The following PTPRD variants were observed in gnomAD, a reference collection of about 807,000 sequenced individuals.
PTPRD encodes protein tyrosine phosphatase receptor type D.
In PTPRD, 34 loss-of-function variants were observed where a neutral mutation model predicts 214.5. The observed-to-expected ratio is 0.16, with a 90% CI of 0.12 to 0.21. The LOEUF is 0.21. Ranked by LOEUF, PTPRD falls within the 10% of genes least tolerant of loss-of-function variation. The probability of loss-of-function intolerance (pLI) is 1.00; values close to 1 mark genes in which losing one functional copy is unlikely to be tolerated. For missense variants in PTPRD, 2,545 were observed against 2,398.7 expected (o/e 1.06, Z -1.27); for synonymous variants, 1,128 against 845.7 (o/e 1.33, Z -5.79).
chr9:8,454,695 T>C (rs1032251895), intron 33 of PTPRD: 9 of 1,307,070 alleles, frequency 6.9e-6, no homozygotes, highest in African/African-American at 5.8e-5. Flanking sequence ...AGAAATAGTG[T>C]TCACAAGCAA....
At chr9:10,413,152 A>C (rs1005955178) in intron 2 of PTPRD, among the ~76,000 whole-genome samples, 1 of 151,964 alleles carries the variant, frequency 6.6e-6, no homozygotes, top group Non-Finnish European at 1.5e-5. Flanking sequence ...GAATCCATAT[A>C]GGAAGAGAGG....
intron 10 of PTPRD, among the ~76,000 whole-genome samples, chr9:9,134,277 G>A (rs1228396731): frequency 7.2e-6 from 1 of 138,464 alleles, no homozygotes; most frequent in Non-Finnish European, 1.5e-5. Context: ...GTTTCACCTT[G>A]TTAGCCAGGA....
chr9:10,281,060 T>C (rs1274930938), intron 3 of PTPRD, among the ~76,000 whole-genome samples: 1 of 152,202 alleles, frequency 6.6e-6, no homozygotes, highest in Non-Finnish European at 1.5e-5. Context: ...TATGATACTC[T>C]AATTTTCCCA....
At chr9:8,812,780 T>A (rs1243573321) in intron 11 of PTPRD, among the ~76,000 whole-genome samples, 1 of 151,646 alleles carries the variant, frequency 6.6e-6, no homozygotes, top group East Asian at 1.9e-4. Flanking sequence ...TTAAAGACAG[T>A]AATGATCTTG....
intron 11 of PTPRD, among the ~76,000 whole-genome samples, chr9:8,785,200 TTAAAAGAGAC>T (rs1403820356): frequency 2.0e-5 from 3 of 151,936 alleles, no homozygotes; most frequent in African/African-American, 7.3e-5. Flanking sequence ...GAACACATAT[TTAAAAGAGAC>T]TGAAACAAGG....
In PTPRD at chr9:9,316,841, C is replaced by T. The variant is rs144057063; in HGVS notation, c.-203+80608G>A. ...ACTACGTGGTAATTCTTTTATGAGT[C>T]TTCAGTGAATGATCTGTGATTTGGC... On this transcript the variant is annotated intron_variant, in intron 9 of 45. Coordinates refer to ENST00000381196, the MANE Select transcript of PTPRD (RefSeq NM_002839.4). 2.0e-3 allele frequency among the ~76,000 whole-genome samples: 300 copies of T among 152,202 alleles called. 3 individuals are homozygous for T. The highest frequency in any genetic ancestry group is 6.9e-3 in the African/African-American group (288 of 41,550).
chr9:9,135,282 A>G (rs1187396111), intron 10 of PTPRD, among the ~76,000 whole-genome samples: 1 of 152,226 alleles, frequency 6.6e-6, no homozygotes, highest in Non-Finnish European at 1.5e-5. Context: ...TACTTTGTAC[A>G]TAGTAGAAAA....
At position 8,317,180 on chromosome 9, in the gene PTPRD, T is replaced by TGATA. The variant is rs1333548931; in HGVS notation, c.*690_*693dup. The TGATA allele has an allele frequency of 8.6e-6, 2 of 231,956 alleles. No individual in the cohort carries two copies. The highest frequency in any genetic ancestry group is 1.7e-5 in the Non-Finnish European group (2 of 117,076). The allele number at this position is 231,956 out of a possible 1,614,324, so 14.4% of individuals were successfully genotyped here. A position where few individuals can be genotyped will look rare whatever the true frequency, so the allele number is the denominator to read the frequency against. On this transcript the variant is annotated 3_prime_UTR_variant, in exon 46 of 46. Transcript: ENST00000381196. ...AAAATGTGCAAATTTTCAAATGATT[T>TGATA]GATATTTCTACAGCAAGATATTACA...
At chr9:9,069,508 G>T (rs1431555809) in intron 10 of PTPRD, among the ~76,000 whole-genome samples, 1 of 152,212 alleles carries the variant, frequency 6.6e-6, no homozygotes, top group Non-Finnish European at 1.5e-5. Context: ...AGTGAGCACA[G>T]ACTCAAAGCA....
intron 5 of PTPRD, among the ~76,000 whole-genome samples, chr9:9,931,783 C>A (rs2086712115): frequency 6.6e-6 from 1 of 151,762 alleles, no homozygotes; most frequent in Non-Finnish European, 1.5e-5. Context: ...AGGGCACAGA[C>A]AAACAAAAAG....
At chr9:8,881,746 G>A (rs765035094) in intron 11 of PTPRD, among the ~76,000 whole-genome samples, 12 of 152,288 alleles carry the variant, frequency 7.9e-5, no homozygotes, top group East Asian at 1.9e-4. Flanking sequence ...AAGAAGCAGC[G>A]GAGAAAAAGA....
intron 11 of PTPRD, among the ~76,000 whole-genome samples, chr9:8,779,356 CAT>C (rs1175473883): frequency 4.6e-5 from 7 of 151,692 alleles, no homozygotes; most frequent in African/African-American, 1.7e-4. Context: ...GAGATGAAAA[CAT>C]CTCTCAGTTA....
chr9:8,368,956 C>T (rs1400210686), intron 39 of PTPRD, among the ~76,000 whole-genome samples: 3 of 152,072 alleles, frequency 2.0e-5, no homozygotes, highest in South Asian at 2.1e-4. Context: ...CCATTCTTAT[C>T]GAGATGTTGG....
intron 11 of PTPRD, among the ~76,000 whole-genome samples, chr9:8,772,222 G>A (rs1217974913): frequency 6.6e-6 from 1 of 151,954 alleles, no homozygotes; most frequent in Non-Finnish European, 1.5e-5. Flanking sequence ...TTATTGTGAT[G>A]GTTTCAAGTT....
At chr9:8,661,690 AAAGC>A (rs2154354832) in intron 12 of PTPRD, among the ~76,000 whole-genome samples, 1 of 151,668 alleles carries the variant, frequency 6.6e-6, no homozygotes, top group East Asian at 1.9e-4. Context: ...TATGCTGAGA[AAAGC>A]AAGATAAGAA....
At chr9:9,341,967 C>A (rs1256005621) in intron 9 of PTPRD, among the ~76,000 whole-genome samples, 1 of 151,948 alleles carries the variant, frequency 6.6e-6, no homozygotes, top group African/African-American at 2.4e-5. Context: ...TGCCACCATG[C>A]CCAGTTATTT....
Position 8,978,706 on chromosome 9 carries a change from G to A in PTPRD, c.-104+39991C>T, listed in dbSNP as rs118075421. ...AAGTATAACCTACATAGCCTTGGACGGCAATACTGCTTTGGAGGGAGAGAC... is the reference window on the plus strand; with the variant it reads ...AAGTATAACCTACATAGCCTTGGACAGCAATACTGCTTTGGAGGGAGAGAC... On this transcript the variant is annotated intron_variant, in intron 11 of 45. Coordinates refer to ENST00000381196, the MANE Select transcript of PTPRD (RefSeq NM_002839.4). Among the ~76,000 whole-genome samples, 12 of 152,192 alleles carry A rather than the reference G, an allele frequency of 7.9e-5. No individual in the cohort carries two copies. In the East Asian group the frequency reaches 2.1e-3, roughly 27 times the overall value.
chr9:9,953,735 C>T (rs1207233559), intron 4 of PTPRD, among the ~76,000 whole-genome samples: 1 of 152,100 alleles, frequency 6.6e-6, no homozygotes, highest in African/African-American at 2.4e-5. Context: ...CGGTTTTAAA[C>T]ATATTTTAAC....
intron 3 of PTPRD, among the ~76,000 whole-genome samples, chr9:10,142,177 GA>G (rs1259002978): frequency 6.6e-6 from 1 of 151,974 alleles, no homozygotes; most frequent in Non-Finnish European, 1.5e-5. Context: ...AACCCTAGAA[GA>G]AAACCTAGGC....
Sources: gnomAD v4.1 joint callset for allele counts (sites outside exome capture counted in the v4.1 genomes callset) on GRCh38, gnomAD v4.1.1 for gene constraint, MANE v1.5 for transcripts, NCBI Gene and HGNC (gene_info 2026-07-23, HGNC 2026-07-21) for gene names.